The following CAPN9 variants were observed in gnomAD, a reference collection of about 807,000 sequenced individuals.
The protein encoded by CAPN9 is calpain-9.
Under a neutral mutation model 92.8 loss-of-function variants are expected in CAPN9, and 81 were observed. The ratio of observed to expected loss-of-function variants is 0.87; its 90% CI spans 0.73 to 1.05. The LOEUF is 1.05. Among genes scored for constraint, CAPN9 ranks in the 50% least tolerant of loss-of-function variants. The pLI is 0.00. For synonymous variants in CAPN9, 304 were observed against 328.0 expected (o/e 0.93, Z 0.79); for missense variants, 848 against 866.2 (o/e 0.98, Z 0.26).
chr1:230,762,452 A>C (rs1284506105), intron 3 of CAPN9, among the ~76,000 whole-genome samples: 1 of 152,194 alleles, frequency 6.6e-6, no homozygotes, highest in Admixed American at 6.5e-5. Context: ...GTCAATGGTT[A>C]GTGCTGGGTG....
At position 230,747,538 on chromosome 1, in the gene CAPN9, G is replaced by C. The variant is rs778871242; in HGVS notation, c.42G>C (p.Pro14=). 2.5e-6 allele frequency: 4 copies of C among 1,614,130 alleles called. No homozygotes were observed. Among genetic ancestry groups the C allele is most frequent in the Non-Finnish European group, 3.4e-6 (4 of 1,180,028 alleles). The change falls in exon 1 of 20, where the codon CCG becomes CCC. Residue 14 remains proline (P), a synonymous_variant. Transcript: ENST00000271971. Reference sequence around the variant, plus strand: ...GGGCCCCAGGGCCTCAGGCACACCCGGTTCCCAAGGACGCCCGGATCACCC... The same window carrying C: ...GGGCCCCAGGGCCTCAGGCACACCCCGTTCCCAAGGACGCCCGGATCACCC... ...LYRAPGPQAH[P]VPKDARITHS...
At chr1:230,785,051 G>T (rs974820161) in intron 11 of CAPN9, among the ~76,000 whole-genome samples, 1 of 152,216 alleles carries the variant, frequency 6.6e-6, no homozygotes, top group Non-Finnish European at 1.5e-5. Context: ...TTTAATGACT[G>T]CCCTGCTGGG....
Position 230,801,739 on chromosome 1 carries a change from G to C in CAPN9, c.*143G>C, listed in dbSNP as rs1668738303. 8.9e-6 allele frequency: 7 copies of C among 784,468 alleles called. No homozygotes were observed. Among genetic ancestry groups the C allele is most frequent in the South Asian group, 7.4e-5 (5 of 67,712 alleles). 48.6% of individuals were successfully genotyped at this position (784,468 alleles called of 1,614,324 possible). On this transcript the variant is annotated 3_prime_UTR_variant, in exon 20 of 20. Coordinates refer to ENST00000271971, the MANE Select transcript of CAPN9 (RefSeq NM_006615.3). ...GGCCTTCTCCCTTCATCTTGATCTG[G>C]GAAGAATGAAATGAACTCAGCTACA...
In CAPN9 at chr1:230,792,640, T is replaced by C. The variant is rs529731141; in HGVS notation, c.1791+146T>C. ...AGAAGGGAAAACAGCATCATGCTATTCCGATGCTTACGGGAGTACCACCGT... is the reference window on the plus strand; with the variant it reads ...AGAAGGGAAAACAGCATCATGCTATCCCGATGCTTACGGGAGTACCACCGT... On this transcript the variant is annotated intron_variant, in intron 16 of 19. Coordinates refer to ENST00000271971, the MANE Select transcript of CAPN9 (RefSeq NM_006615.3). 5.1e-6 allele frequency: 4 copies of C among 779,984 alleles called. No individual in the cohort carries two copies. In the African/African-American group the frequency reaches 6.8e-5, roughly 13 times the overall value. 48.3% of individuals were successfully genotyped at this position (779,984 alleles called of 1,614,324 possible).
At chr1:230,796,014 G>T (rs1463965397) in intron 18 of CAPN9, among the ~76,000 whole-genome samples, 1 of 147,094 alleles carries the variant, frequency 6.8e-6, no homozygotes, top group Non-Finnish European at 1.5e-5. Context: ...CCACTTCGAG[G>T]TATGAATACT....
At chr1:230,785,897 C>G in intron 11 of CAPN9, 84 bp from the exon 12 acceptor site, 1 of 1,336,986 alleles carries the variant, frequency 7.5e-7, no homozygotes, top group Middle Eastern at 1.8e-4. Flanking sequence ...ACAGAACCTT[C>G]CCAGGCTCTG....
At chr1:230,790,307 G>T in intron 14 of CAPN9, 118 bp downstream of exon 14, 1 of 1,393,458 alleles carries the variant, frequency 7.2e-7, no homozygotes, top group Non-Finnish European at 9.4e-7. Context: ...CTGATTTGTA[G>T]GTAGACTTTA....
At chr1:230,770,953 G>A (rs1214197637) in intron 6 of CAPN9, among the ~76,000 whole-genome samples, 2 of 152,214 alleles carry the variant, frequency 1.3e-5, no homozygotes, top group Admixed American at 1.3e-4. Context: ...GGATTCTTTA[G>A]AATGTTAGCT....
At chr1:230,791,476 T>G (rs1267310732) in intron 14 of CAPN9, among the ~76,000 whole-genome samples, 1 of 152,214 alleles carries the variant, frequency 6.6e-6, no homozygotes, top group East Asian at 1.9e-4. Flanking sequence ...AAAACATGAT[T>G]CCTAAGGGTC....
rs1665711726 is a variant in CAPN9 at position 230,762,594 on chromosome 1, G to A, written c.403-59G>A. 2.5e-6 allele frequency: 4 copies of A among 1,588,226 alleles called. No individual in the cohort carries two copies. In the East Asian group the frequency reaches 6.8e-5, roughly 27 times the overall value. ...GCAACAGGATCAACATTTACAAACA[G>A]GGCCTGGAGCTCCCATGTAGCTGAC... On this transcript the variant is annotated intron_variant, in intron 3 of 19. Coordinates refer to ENST00000271971, the MANE Select transcript of CAPN9 (RefSeq NM_006615.3).
In CAPN9 at chr1:230,801,811, G is replaced by A. The variant is rs1668741027; in HGVS notation, c.*215G>A. On this transcript the variant is annotated 3_prime_UTR_variant, in exon 20 of 20. Transcript: ENST00000271971. ...CTTTGTAAAGTCACTGCCTTAAGGG[G>A]GCTGATGGCGCCACCTGTGCCTTAC... 1.7e-6 allele frequency: 1 copy of A among 576,946 alleles called. No individual in the cohort carries two copies. Among genetic ancestry groups the A allele is most frequent in the African/African-American group, 1.9e-5 (1 of 53,824 alleles). The allele number at this position is 576,946 out of a possible 1,614,324, so 35.7% of individuals were successfully genotyped here. A position where few individuals can be genotyped will look rare whatever the true frequency, so the allele number is the denominator to read the frequency against.
chr1:230,800,310 A>AG lies in CAPN9; in HGVS notation c.2047-1260_2047-1259insG, dbSNP rs1239697877. 4.7e-3 allele frequency among the ~76,000 whole-genome samples: 366 copies of AG among 77,284 alleles called. 11 individuals carry two copies. Among genetic ancestry groups the AG allele is most frequent in the Middle Eastern group, 0.031 (3 of 98 alleles). 50.7% of individuals were successfully genotyped at this position (77,284 alleles called of 152,430 possible). The stretch of plus-strand genomic sequence containing the variant: ...AGAAAGAAAGAAAGAAAGAAAGGAA[A>AG]AACAAGAGAGACCCCTAGGTCCACC... On this transcript the variant is annotated intron_variant, in intron 19 of 19. Coordinates refer to ENST00000271971, the MANE Select transcript of CAPN9 (RefSeq NM_006615.3).
At chr1:230,755,445 G>T in intron 2 of CAPN9, 39 bp downstream of exon 2, 2 of 1,517,856 alleles carry the variant, frequency 1.3e-6, no homozygotes, top group South Asian at 1.2e-5. Context: ...GAGGGAGGTT[G>T]AGTCACTGGG....
intron 1 of CAPN9, 34 bp downstream of exon 1, chr1:230,747,743 G>A (rs1558301619): frequency 1.3e-6 from 2 of 1,597,738 alleles, no homozygotes; most frequent in African/African-American, 1.3e-5. Context: ...GAGCATAGAT[G>A]AGGCCGAGGT....
intron 9 of CAPN9, 75 bp downstream of exon 9, chr1:230,779,208 C>A (rs1269415913): frequency 1.2e-5 from 17 of 1,405,904 alleles, no homozygotes; most frequent in Non-Finnish European, 1.6e-5. Flanking sequence ...AGGATAAGGG[C>A]CGGGTCCTCA....
At chr1:230,757,959 A>G (rs1328583481) in intron 2 of CAPN9, among the ~76,000 whole-genome samples, 2 of 152,062 alleles carry the variant, frequency 1.3e-5, no homozygotes, top group African/African-American at 4.8e-5. Flanking sequence ...CTCCTCCCAT[A>G]GTGCCCTCTG....
chr1:230,777,498 C>G (rs1666886000), intron 8 of CAPN9, among the ~76,000 whole-genome samples: 2 of 152,020 alleles, frequency 1.3e-5, no homozygotes, highest in South Asian at 4.2e-4. Flanking sequence ...TTCCCCCCTT[C>G]TTCTGAATCA....
At chr1:230,797,005 G>C (rs1167353874) in intron 18 of CAPN9, among the ~76,000 whole-genome samples, 1 of 152,168 alleles carries the variant, frequency 6.6e-6, no homozygotes, top group Non-Finnish European at 1.5e-5. Flanking sequence ...CCTCCAGTTA[G>C]ATATAAAGAA....
rs1665971351 is a variant in CAPN9, at chr1:230,766,131, T to C, written c.537-1410T>C. Among the ~76,000 whole-genome samples, 3 of 152,116 alleles carry C rather than the reference T, an allele frequency of 2.0e-5. No individual in the cohort carries two copies. The South Asian group carries it at 6.2e-4, about 32-fold the overall frequency. ...TTTTTTTGGAGACAGGGTCTTGCTC[T>C]CTCACCCAGACTAGAGTGCAGTGGC... On this transcript the variant is annotated intron_variant, in intron 4 of 19. Transcript: ENST00000271971.
Sources: allele counts gnomAD v4.1 joint callset (sites outside exome capture counted in the v4.1 genomes callset), GRCh38; gene constraint gnomAD v4.1.1; transcripts MANE v1.5; gene names NCBI Gene and HGNC (gene_info 2026-07-23, HGNC 2026-07-21).